BICC1: variants seen among roughly 807,000 people sequenced by gnomAD.
BICC1 encodes the protein BicC family RNA binding protein 1.
BICC1 carries 43 observed loss-of-function variants against 111.0 expected under a neutral mutation model. The observed-to-expected ratio is 0.39, with a 90% confidence interval of 0.30 to 0.50. The LOEUF is 0.50. Ranked by LOEUF, BICC1 falls within the 20% of genes least tolerant of loss-of-function variation. The pLI is 0.88. For missense variants in BICC1, 1,091 were observed against 1,203.2 expected, an observed-to-expected ratio of 0.91 and a Z score of 1.38; for synonymous variants, 467 against 434.4, an observed-to-expected ratio of 1.07 and a Z score of -0.93.
At chr10:58,827,349 TG>T (rs1844428376) in intron 20 of BICC1, among the ~76,000 whole-genome samples, 1 of 152,192 alleles carries the variant, frequency 6.6e-6, no homozygotes, top group Non-Finnish European at 1.5e-5. Context: ...GAATTCCTGC[TG>T]GAAAAAAACT....
At chr10:58,604,994 T>C (rs1214055225) in intron 1 of BICC1, among the ~76,000 whole-genome samples, 1 of 152,158 alleles carries the variant, frequency 6.6e-6, no homozygotes, top group Non-Finnish European at 1.5e-5. Flanking sequence ...CTAATCCCAT[T>C]TTGAGGGTAC....
chr10:58,582,097 G>T (rs1844298879), intron 1 of BICC1, among the ~76,000 whole-genome samples: 1 of 152,082 alleles, frequency 6.6e-6, no homozygotes, highest in African/African-American at 2.4e-5. Flanking sequence ...CTCCTTCTTA[G>T]TACTCATCCT....
chr10:58,674,538 A>G (rs1349119171), intron 2 of BICC1, among the ~76,000 whole-genome samples: 2 of 152,170 alleles, frequency 1.3e-5, no homozygotes, highest in African/African-American at 4.8e-5. Context: ...TTTTCTAGAC[A>G]TCTGAGTCAG....
chr10:58,567,836 C>T (rs1589105583), intron 1 of BICC1, among the ~76,000 whole-genome samples: 2 of 152,018 alleles, frequency 1.3e-5, no homozygotes, highest in Non-Finnish European at 2.9e-5. Flanking sequence ...AAGGCAGTGA[C>T]GTCATCTGAT....
chr10:58,788,761 C>T (rs770443642), intron 6 of BICC1, among the ~76,000 whole-genome samples: 9 of 152,076 alleles, frequency 5.9e-5, no homozygotes, highest in African/African-American at 2.2e-4. Flanking sequence ...GTTAGAAACT[C>T]TCAGGTTTCA....
intron 1 of BICC1, among the ~76,000 whole-genome samples, chr10:58,566,237 T>A (rs1016110426): frequency 7.2e-5 from 11 of 151,808 alleles, no homozygotes; most frequent in African/African-American, 2.4e-4. Context: ...TATCTATACA[T>A]GTACACACGT....
chr10:58,697,018 A>T (rs1166686472), intron 2 of BICC1, among the ~76,000 whole-genome samples: 1 of 152,194 alleles, frequency 6.6e-6, no homozygotes, highest in African/African-American at 2.4e-5. Context: ...CATGATATTT[A>T]TAGTTTTGTT....
intron 3 of BICC1, among the ~76,000 whole-genome samples, chr10:58,712,826 A>T (rs1002261458): frequency 6.6e-6 from 1 of 152,126 alleles, no homozygotes; most frequent in Non-Finnish European, 1.5e-5. Context: ...TTTGAAGTTG[A>T]TGTGATGTTG....
At chr10:58,785,415 G>T (rs1842984306) in intron 4 of BICC1, among the ~76,000 whole-genome samples, 1 of 151,974 alleles carries the variant, frequency 6.6e-6, no homozygotes, top group Non-Finnish European at 1.5e-5. Context: ...GATTAATATA[G>T]GGTAAGTAAT....
At chr10:58,672,392 T>C (rs1564544883) in intron 2 of BICC1, among the ~76,000 whole-genome samples, 2 of 152,134 alleles carry the variant, frequency 1.3e-5, no homozygotes, top group African/African-American at 2.4e-5. Context: ...CGGGCACTTA[T>C]TTAGTATGCA....
At chr10:58,739,247 A>T (rs1347901822) in intron 3 of BICC1, among the ~76,000 whole-genome samples, 1 of 152,070 alleles carries the variant, frequency 6.6e-6, no homozygotes, top group African/African-American at 2.4e-5. Flanking sequence ...TTATTTTGAG[A>T]TGCGTCCCAT....
intron 1 of BICC1, among the ~76,000 whole-genome samples, chr10:58,557,017 T>G (rs2131935839): frequency 6.6e-6 from 1 of 152,208 alleles, no homozygotes; most frequent in African/African-American, 2.4e-5. Flanking sequence ...CAGATGTGAT[T>G]AAGGATCTTG....
intron 3 of BICC1, among the ~76,000 whole-genome samples, chr10:58,770,437 C>T (rs1055247652): frequency 6.6e-6 from 1 of 151,962 alleles, no homozygotes; most frequent in Non-Finnish European, 1.5e-5. Flanking sequence ...CTTAATACTC[C>T]TTAAAAGTGA....
At chr10:58,645,406 CAAAAAAAAAAAAAAAAAA>C (rs57417702) in intron 2 of BICC1, among the ~76,000 whole-genome samples, 1 of 73,336 alleles carries the variant, frequency 1.4e-5, no homozygotes, top group Non-Finnish European at 2.4e-5. Flanking sequence ...GACTCCATCT[CAAAAAAAAAAAAAAAAAA>C]AAAAAAAAAA....
At chr10:58,822,133 G>A (rs1844268617) in intron 20 of BICC1, among the ~76,000 whole-genome samples, 1 of 152,212 alleles carries the variant, frequency 6.6e-6, no homozygotes, top group South Asian at 2.1e-4. Flanking sequence ...AGTTTGAAAC[G>A]TGATTAACTT....
At chr10:58,755,919 C>T (rs1428141815) in intron 3 of BICC1, among the ~76,000 whole-genome samples, 1 of 152,130 alleles carries the variant, frequency 6.6e-6, no homozygotes, top group Non-Finnish European at 1.5e-5. Flanking sequence ...CTGTTTTTGC[C>T]GTGAGATAAT....
intron 17 of BICC1, among the ~76,000 whole-genome samples, chr10:58,807,402 T>G (rs1843743288): frequency 6.6e-6 from 1 of 152,108 alleles, no homozygotes; most frequent in African/African-American, 2.4e-5. Context: ...GGATGTGAGT[T>G]TTTGTTGAGT....
chr10:58,581,523 A>G (rs1169990183), intron 1 of BICC1, among the ~76,000 whole-genome samples: 1 of 152,202 alleles, frequency 6.6e-6, no homozygotes, highest in Non-Finnish European at 1.5e-5. Flanking sequence ...TTTGTTCTAT[A>G]TTGGTGGAGA....
intron 3 of BICC1, among the ~76,000 whole-genome samples, chr10:58,737,168 C>T (rs185569905): frequency 1.2e-3 from 186 of 151,946 alleles, no homozygotes; most frequent in African/African-American, 4.2e-3. Flanking sequence ...CATATATATA[C>T]ACATGTGCCA....
Sources: gnomAD v4.1 joint callset for allele counts (sites outside exome capture counted in the v4.1 genomes callset) on GRCh38, gnomAD v4.1.1 for gene constraint, MANE v1.5 for transcripts, NCBI Gene and HGNC (gene_info 2026-07-23, HGNC 2026-07-21) for gene names.